CPO: variants seen among roughly 807,000 people sequenced by gnomAD.
The protein encoded by CPO is carboxypeptidase O, also known as metallocarboxypeptidase C.
CPO carries 43 observed loss-of-function variants against 41.2 expected under a neutral mutation model. The ratio of observed to expected loss-of-function variants is 1.04; its 90% CI spans 0.82 to 1.35. CPO has a LOEUF of 1.35. Among genes scored for constraint, CPO ranks in the 40% most tolerant of loss-of-function variants. The probability of loss-of-function intolerance (pLI) is 0.00; values close to 1 mark genes in which losing one functional copy is unlikely to be tolerated. For synonymous variants in CPO, 178 were observed against 162.7 expected, an observed-to-expected ratio of 1.09 and a Z score of -0.72; for missense variants, 408 against 451.7, an observed-to-expected ratio of 0.90 and a Z score of 0.88.
intron 1 of CPO, among the ~76,000 whole-genome samples, chr2:206,947,878 A>G (rs188410654): frequency 6.6e-6 from 1 of 152,320 alleles, no homozygotes; most frequent in East Asian, 1.9e-4. Context: ...AGAAGATAAT[A>G]TACTTCACAC....
chr2:206,956,030 A>C (rs905846155), intron 3 of CPO, among the ~76,000 whole-genome samples: 1 of 152,174 alleles, frequency 6.6e-6, no homozygotes, highest in Non-Finnish European at 1.5e-5. Context: ...AAGTGAGGTG[A>C]CTTGTGAAAG....
rs146884364 is a variant in CPO at position 206,968,322 on chromosome 2, A to G, written c.837A>G (p.Arg279=). The change falls in exon 8 of 9, where the codon AGA becomes AGG. Residue 279 remains arginine (R), a synonymous_variant. Coordinates refer to ENST00000272852, the MANE Select transcript of CPO (RefSeq NM_173077.3). ...ALKAKYGTNY[R]VGSSADILYA... ...AAGCAAAGTATGGAACCAATTATAGAGTTGGATCGAGTGCAGATATTTTAT... is the reference window on the plus strand; with the variant it reads ...AAGCAAAGTATGGAACCAATTATAGGGTTGGATCGAGTGCAGATATTTTAT... 2.4e-5 allele frequency: 39 copies of G among 1,608,386 alleles called. No homozygotes were observed. In the African/African-American group the frequency reaches 4.9e-4, roughly 20 times the overall value.
intron 1 of CPO, among the ~76,000 whole-genome samples, chr2:206,945,794 G>A (rs1345155909): frequency 6.6e-6 from 1 of 152,008 alleles, no homozygotes; most frequent in Non-Finnish European, 1.5e-5. Context: ...TAATTAGCCA[G>A]GCATGGTGGC....
intron 7 of CPO, among the ~76,000 whole-genome samples, chr2:206,967,364 TAG>T (rs150626537): frequency 0.23 from 31,506 of 139,734 alleles, 3,907 homozygotes; most frequent in Middle Eastern, 0.3. Flanking sequence ...TATATAGATA[TAG>T]ATATAGATAT....
chr2:206,958,805 G>A (rs1268698114), intron 4 of CPO, among the ~76,000 whole-genome samples: 3 of 130,236 alleles, frequency 2.3e-5, no homozygotes, highest in Non-Finnish European at 3.1e-5. Flanking sequence ...GTAATGGCAC[G>A]ATCTCAGCTC....
In CPO at chr2:206,955,469, G is replaced by T. The variant is rs761098176; in HGVS notation, c.172G>T (p.Glu58Ter). ...TCCTCCCTTGCTGTTTCAGATCTATGAGTGGATGAGAGAGATCAGTGAGAA... is the reference window on the plus strand; with the variant it reads ...TCCTCCCTTGCTGTTTCAGATCTATTAGTGGATGAGAGAGATCAGTGAGAA... ...NIYHPMGEIY[E>*]WMREISEKYK... The change falls in exon 3 of 9, where the codon GAG becomes TAG. Residue 58 changes from glutamate (E) to a stop codon, truncating the protein, a stop_gained. Transcript: ENST00000272852. LOFTEE classifies it high-confidence loss of function. The T allele has an allele frequency of 1.2e-6, 2 of 1,602,808 alleles. No homozygotes were observed. The highest frequency in any genetic ancestry group is 2.2e-5 in the South Asian group (2 of 90,842).
At chr2:206,954,202 T>G (rs986716529) in intron 2 of CPO, among the ~76,000 whole-genome samples, 1 of 152,172 alleles carries the variant, frequency 6.6e-6, no homozygotes, top group African/African-American at 2.4e-5. Flanking sequence ...AGGCTTGAAT[T>G]TCTCCCCAGA....
intron 1 of CPO, among the ~76,000 whole-genome samples, chr2:206,945,522 C>A (rs1693125990): frequency 6.6e-6 from 1 of 152,280 alleles, no homozygotes; most frequent in Middle Eastern, 3.4e-3. Context: ...CGCTGTATGA[C>A]TTACTAGCTC....
chr2:206,961,068 A>G (rs1418198184), intron 6 of CPO, 126 bp downstream of exon 6: 1 of 697,578 alleles, frequency 1.4e-6, no homozygotes, highest in Non-Finnish European at 2.5e-6. Flanking sequence ...GGGCTTCCTA[A>G]TGAGTTTTAT....
chr2:206,958,411 T>A lies in CPO; in HGVS notation c.372+6T>A. On this transcript the variant is annotated splice_donor_region_variant and intron_variant, in intron 4 of 8. Coordinates refer to ENST00000272852, the MANE Select transcript of CPO (RefSeq NM_173077.3). ...GCCAATGGTTCGTCAAAGAAGTAAG[T>A]GTCTTTAGCTTTCTCATACTGGTAA... 1 of 1,506,330 alleles carries A rather than the reference T, an allele frequency of 6.6e-7. No individual in the cohort carries two copies. Among genetic ancestry groups the A allele is most frequent in the South Asian group, 1.2e-5 (1 of 84,874 alleles). The allele number at this position is 1,506,330 out of a possible 1,614,324, so 93.3% of individuals were successfully genotyped here.
At chr2:206,964,079 T>C (rs73983129) in intron 7 of CPO, among the ~76,000 whole-genome samples, 1,690 of 152,312 alleles carry the variant, frequency 0.011, 31 homozygotes, top group African/African-American at 0.036. Context: ...CTAAGCTTGC[T>C]CTGTTCTTAA....
chr2:206,942,039 T>G (rs1693038349), intron 1 of CPO, among the ~76,000 whole-genome samples: 2 of 152,098 alleles, frequency 1.3e-5, no homozygotes. Context: ...TCTAGAATTA[T>G]TTATAATAGT....
chr2:206,965,235 A>G (rs1226642403), intron 7 of CPO, among the ~76,000 whole-genome samples: 1 of 152,200 alleles, frequency 6.6e-6, no homozygotes, highest in Admixed American at 6.5e-5. Context: ...TTTTCGATAA[A>G]AAGACTGTGA....
intron 2 of CPO, among the ~76,000 whole-genome samples, chr2:206,954,665 C>A (rs535286819): frequency 3.9e-5 from 6 of 152,174 alleles, no homozygotes; most frequent in African/African-American, 1.4e-4. Context: ...CTACTAGTAC[C>A]AATATACTGT....
intron 1 of CPO, among the ~76,000 whole-genome samples, chr2:206,948,108 A>G (rs1459845138): frequency 1.3e-5 from 2 of 152,220 alleles, no homozygotes; most frequent in Non-Finnish European, 2.9e-5. Flanking sequence ...ACATGTCAAC[A>G]TAAAAATCTG....
chr2:206,950,118 A>T (rs969415735), intron 2 of CPO, among the ~76,000 whole-genome samples: 1 of 152,328 alleles, frequency 6.6e-6, no homozygotes, highest in Admixed American at 6.5e-5. Flanking sequence ...AAATGTATTT[A>T]TTGTAGGATT....
Position 206,960,837 on chromosome 2 carries a change from G to A in CPO, c.484-15G>A, listed in dbSNP as rs1693464645. On this transcript the variant is annotated splice_polypyrimidine_tract_variant and intron_variant, in intron 5 of 8. Transcript: ENST00000272852. ...AACCTTAGAACAGCAACATCCGTAT[G>A]TTCCTCTGCTACAGGATCGTCTTTG... The A allele has an allele frequency of 6.4e-7, 1 of 1,574,500 alleles. No individual in the cohort carries two copies. Among genetic ancestry groups the A allele is most frequent in the African/African-American group, 1.3e-5 (1 of 74,100 alleles).
chr2:206,964,652 C>A (rs2105829185), intron 7 of CPO, among the ~76,000 whole-genome samples: 1 of 152,240 alleles, frequency 6.6e-6, no homozygotes, highest in East Asian at 1.9e-4. Context: ...CGTTTGTGAG[C>A]CCTGGAAGTT....
intron 7 of CPO, among the ~76,000 whole-genome samples, chr2:206,965,884 C>G (rs756807118): frequency 6.6e-6 from 1 of 152,068 alleles, no homozygotes; most frequent in Non-Finnish European, 1.5e-5. Context: ...AATGTAGTGT[C>G]GAAGGAGAGA....
Sources: gnomAD v4.1 joint callset for allele counts (sites outside exome capture counted in the v4.1 genomes callset) on GRCh38, gnomAD v4.1.1 for gene constraint, MANE v1.5 for transcripts, NCBI Gene and HGNC (gene_info 2026-07-23, HGNC 2026-07-21) for gene names.